PTPRG: variants seen among roughly 807,000 people sequenced by gnomAD.
PTPRG encodes the protein receptor-type tyrosine-protein phosphatase gamma.
PTPRG carries 102 observed loss-of-function variants against 165.3 expected under a neutral mutation model. The observed-to-expected ratio is 0.62, with a 90% CI of 0.53 to 0.73. The LOEUF is 0.73. PTPRG is among the 30% of genes least tolerant of loss of function. PTPRG has a pLI of 0.00. For synonymous variants in PTPRG, 675 were observed against 669.5 expected (o/e 1.01, Z -0.13); for missense variants, 1,866 against 1,861.4 (o/e 1.00, Z -0.05).
In PTPRG at chr3:62,282,690, A is replaced by G. The variant is rs1239132874; in HGVS notation, c.3913-37A>G. On this transcript the variant is annotated intron_variant, in intron 27 of 29. Transcript: ENST00000474889. ...TCATTAGATTGTAGATATGTGAAAT[A>G]AAGGAAGGGATTTGACCCATGTTGT... 5 of 1,573,628 alleles carry G rather than the reference A, an allele frequency of 3.2e-6. No homozygotes were observed. The Admixed American group carries it at 5.8e-5, about 18-fold the overall frequency.
intron 2 of PTPRG, among the ~76,000 whole-genome samples, chr3:61,776,672 C>G (rs1005609529): frequency 4.0e-5 from 6 of 151,088 alleles, no homozygotes; most frequent in African/African-American, 1.5e-4. Flanking sequence ...TCTCTGCTTG[C>G]AATTATCTGT....
intron 4 of PTPRG, among the ~76,000 whole-genome samples, chr3:62,069,318 C>T (rs1048685647): frequency 1.3e-5 from 2 of 152,118 alleles, no homozygotes; most frequent in African/African-American, 4.8e-5. Flanking sequence ...TATACAAATC[C>T]GGTCTTATTC....
chr3:62,031,954 C>T (rs1211437944), intron 4 of PTPRG, among the ~76,000 whole-genome samples: 1 of 152,010 alleles, frequency 6.6e-6, no homozygotes, highest in Non-Finnish European at 1.5e-5. Context: ...GTCTAAGAAA[C>T]CAGTTGGTTA....
At chr3:61,679,367 T>G (rs570527925) in intron 1 of PTPRG, among the ~76,000 whole-genome samples, 14 of 152,190 alleles carry the variant, frequency 9.2e-5, no homozygotes, top group South Asian at 6.2e-4. Flanking sequence ...CTTGGTGGTG[T>G]TTTTCATTAA....
At chr3:62,027,999 T>G (rs1005425638) in intron 4 of PTPRG, among the ~76,000 whole-genome samples, 1 of 152,172 alleles carries the variant, frequency 6.6e-6, no homozygotes, top group East Asian at 1.9e-4. Flanking sequence ...TTTAGATGTG[T>G]TATGTGTGAA....
rs772968801 is a variant in PTPRG at position 62,254,667 on chromosome 3, A to G, written c.2468-457A>G. Among the ~76,000 whole-genome samples the G allele has an allele frequency of 3.1e-4, 47 of 152,204 alleles. 1 individual carries two copies. The highest frequency in any genetic ancestry group is 1.1e-3 in the African/African-American group (44 of 41,532). Reference sequence around the variant, plus strand: ...GTGTATAAAGGATTGCTTAAAACTTATAAGATTGGAAATAGAACTTAATTG... The same window carrying G: ...GTGTATAAAGGATTGCTTAAAACTTGTAAGATTGGAAATAGAACTTAATTG... On this transcript the variant is annotated intron_variant, in intron 15 of 29. Transcript: ENST00000474889. The surrounding 1 kb of genome is among the most constrained non-coding windows in gnomAD (Gnocchi z 4.6).
intron 6 of PTPRG, among the ~76,000 whole-genome samples, chr3:62,133,158 A>C (rs1295014193): frequency 6.6e-6 from 1 of 152,222 alleles, no homozygotes; most frequent in Non-Finnish European, 1.5e-5. Flanking sequence ...TCTTATCCTC[A>C]GGCATAAAAC....
chr3:62,239,823 C>T (rs892085483), intron 14 of PTPRG, among the ~76,000 whole-genome samples: 4 of 151,956 alleles, frequency 2.6e-5, no homozygotes, highest in African/African-American at 9.7e-5. Flanking sequence ...TCCTGGATAC[C>T]TCTGAAGGTC....
At chr3:61,880,213 G>C (rs1379163636) in intron 2 of PTPRG, among the ~76,000 whole-genome samples, 2 of 152,178 alleles carry the variant, frequency 1.3e-5, no homozygotes, top group Admixed American at 6.5e-5. Flanking sequence ...AAGAAACTTA[G>C]AGTCTTGCTA....
At chr3:62,045,756 C>T (rs150559795) in intron 4 of PTPRG, among the ~76,000 whole-genome samples, 316 of 152,342 alleles carry the variant, frequency 2.1e-3, no homozygotes, top group African/African-American at 7.2e-3. Context: ...CTGAGCATCC[C>T]CTTCCCACTA....
chr3:61,755,557 T>C (rs1476711725), intron 2 of PTPRG, among the ~76,000 whole-genome samples: 1 of 152,236 alleles, frequency 6.6e-6, no homozygotes, highest in Admixed American at 6.5e-5. Flanking sequence ...ACTTACTAAT[T>C]GTCTACTGTG....
At chr3:62,077,829 G>A (rs560694592) in intron 4 of PTPRG, among the ~76,000 whole-genome samples, 1 of 151,850 alleles carries the variant, frequency 6.6e-6, no homozygotes, top group African/African-American at 2.4e-5. Flanking sequence ...CATGGTGAAA[G>A]CCCATCTCTA....
chr3:62,275,654 C>G (rs1702206266), intron 23 of PTPRG, among the ~76,000 whole-genome samples: 1 of 152,100 alleles, frequency 6.6e-6, no homozygotes, highest in South Asian at 2.1e-4. Flanking sequence ...CCTAACTACT[C>G]AGGAGGCTGA....
chr3:61,836,860 T>C (rs2036481257), intron 2 of PTPRG, among the ~76,000 whole-genome samples: 1 of 151,986 alleles, frequency 6.6e-6, no homozygotes, highest in African/African-American at 2.4e-5. Flanking sequence ...TTCTCCTGCG[T>C]CAGCCTCCCT....
intron 2 of PTPRG, among the ~76,000 whole-genome samples, chr3:61,767,783 A>G (rs1413215567): frequency 6.6e-6 from 1 of 151,948 alleles, no homozygotes; most frequent in Admixed American, 6.6e-5. Context: ...AGCCTAAGCA[A>G]CATAGTGGGA....
chr3:62,032,319 A>G (rs953457687), intron 4 of PTPRG, among the ~76,000 whole-genome samples: 1 of 152,256 alleles, frequency 6.6e-6, no homozygotes, highest in Non-Finnish European at 1.5e-5. Flanking sequence ...TTCAGCTACA[A>G]GAAAGCTCTT....
At chr3:62,093,438 T>C (rs947208660) in intron 5 of PTPRG, among the ~76,000 whole-genome samples, 6 of 152,238 alleles carry the variant, frequency 3.9e-5, no homozygotes, top group African/African-American at 1.4e-4. Flanking sequence ...GTCTGTTGGT[T>C]TCCCCACCTT....
chr3:61,890,412 G>GTTTTTTTTTTTTTTT lies in PTPRG; in HGVS notation c.191-99203_191-99202insTTTTTTTTTTTTTTT, dbSNP rs1388100597. 2.3e-4 allele frequency among the ~76,000 whole-genome samples: 22 copies of GTTTTTTTTTTTTTTT among 95,392 alleles called. 3 individuals are homozygous for GTTTTTTTTTTTTTTT. Among genetic ancestry groups the GTTTTTTTTTTTTTTT allele is most frequent in the African/African-American group, 7.8e-4 (17 of 21,876 alleles). 62.6% of individuals were successfully genotyped at this position (95,392 alleles called of 152,430 possible). ...GTTTTGGGCGGGTTTCTTGTTCTTT[G>GTTTTTTTTTTTTTTT]TTTTTTTTTTGTTTTTTTTTTTTTT... On this transcript the variant is annotated intron_variant, in intron 2 of 29. Transcript: ENST00000474889.
chr3:61,951,632 C>T lies in PTPRG; in HGVS notation c.191-37993C>T, dbSNP rs149915762. Among the ~76,000 whole-genome samples, 1,001 of 152,140 alleles carry T rather than the reference C, an allele frequency of 6.6e-3. 7 individuals are homozygous for T. Among genetic ancestry groups the T allele is most frequent in the African/African-American group, 0.016 (655 of 41,486 alleles). ...CCTGTGTATTTCCAGCGCTTGTTTC[C>T]GTGTCTGGTTCTGAGATAGTCTACA... is the stretch of plus-strand genomic sequence containing the variant. On this transcript the variant is annotated intron_variant, in intron 2 of 29. Transcript: ENST00000474889.
Sources: allele counts gnomAD v4.1 joint callset (sites outside exome capture counted in the v4.1 genomes callset), GRCh38; gene constraint gnomAD v4.1.1; non-coding constraint Gnocchi (gnomAD v3.1); transcripts MANE v1.5; gene names NCBI Gene and HGNC (gene_info 2026-07-23, HGNC 2026-07-21).